Variants in ASH1L observed in about 807,000 individuals in gnomAD.
ASH1L encodes the protein ASH1 like histone lysine methyltransferase.
A neutral mutation model predicts 269.0 loss-of-function variants in ASH1L; 23 were observed. That is an observed-to-expected ratio of 0.09 (90% CI 0.06 to 0.12). ASH1L has a LOEUF of 0.12. Ranked by LOEUF, ASH1L falls within the 10% of genes least tolerant of loss-of-function variation. The pLI, the probability that ASH1L is intolerant of heterozygous loss-of-function variation, is 1.00. For synonymous variants in ASH1L, 1,187 were observed against 1,253.5 expected, an observed-to-expected ratio of 0.95 and a Z score of 1.12; for missense variants, 2,912 against 3,567.8, an observed-to-expected ratio of 0.82 and a Z score of 4.68.
At chr1:155,440,472 A>T (rs1480180478) in intron 4 of ASH1L, 1 of 588,472 alleles carries the variant, frequency 1.7e-6, no homozygotes, top group Non-Finnish European at 2.1e-6. Flanking sequence ...TCCTCAATAC[A>T]GAGTACTTGT....
chr1:155,349,837 C>T (rs1029817975), intron 17 of ASH1L, among the ~76,000 whole-genome samples: 2 of 150,206 alleles, frequency 1.3e-5, no homozygotes, highest in Admixed American at 6.7e-5. Context: ...CCTGCCTCAG[C>T]CTCCCGAGCA....
intron 7 of ASH1L, among the ~76,000 whole-genome samples, chr1:155,387,330 C>A (rs184524673): frequency 2.3e-4 from 35 of 152,280 alleles, no homozygotes; most frequent in Non-Finnish European, 5.0e-4. Flanking sequence ...GGAAGGGGTC[C>A]AGTTTCAACC....
intron 2 of ASH1L, among the ~76,000 whole-genome samples, chr1:155,490,654 ACTCT>A (rs1218582438): frequency 2.8e-4 from 41 of 148,354 alleles, no homozygotes; most frequent in South Asian, 1.3e-3. Flanking sequence ...ATACACACAC[ACTCT>A]CTCTCTCTCT....
intron 2 of ASH1L, among the ~76,000 whole-genome samples, chr1:155,484,820 T>C (rs919612928): frequency 2.0e-5 from 3 of 148,950 alleles, no homozygotes; most frequent in Non-Finnish European, 4.5e-5. Context: ...TCCCAGCTAC[T>C]TGGGAGGCTA....
chr1:155,357,184 C>A (rs1286650729), intron 15 of ASH1L, 132 bp downstream of exon 15: 10 of 297,104 alleles, frequency 3.4e-5, no homozygotes, highest in East Asian at 8.6e-5. Context: ...CATCCAGGTT[C>A]ATAGATCCCC....
At chr1:155,462,388 A>G (rs1248006035) in intron 3 of ASH1L, among the ~76,000 whole-genome samples, 2 of 152,156 alleles carry the variant, frequency 1.3e-5, no homozygotes, top group African/African-American at 4.8e-5. Flanking sequence ...AGTCTTGATG[A>G]AGGCTTCAAC....
chr1:155,409,609 T>G (rs1295919382), intron 6 of ASH1L, among the ~76,000 whole-genome samples: 1 of 152,120 alleles, frequency 6.6e-6, no homozygotes, highest in Non-Finnish European at 1.5e-5. Flanking sequence ...CCTGCCATGA[T>G]TTTTAAATTT....
rs912515385 is a variant in ASH1L at position 155,399,089 on chromosome 1, G to C, written c.6009-3536C>G. 2.6e-5 allele frequency among the ~76,000 whole-genome samples: 4 copies of C among 152,104 alleles called. No individual in the cohort carries two copies. The East Asian group carries it at 5.8e-4, about 22-fold the overall frequency. ...AATCCATTTTGAAATGTCTATCTTG[G>C]GTAGATATGAAATTGATGAACCAAA... On this transcript the variant is annotated intron_variant, in intron 6 of 27. Transcript: ENST00000392403.
intron 1 of ASH1L, among the ~76,000 whole-genome samples, chr1:155,528,759 G>A (rs1348750088): frequency 2.6e-5 from 4 of 151,998 alleles, no homozygotes; most frequent in East Asian, 1.9e-4. Flanking sequence ...GGTTTGTTAC[G>A]TGGGTAAACT....
At chr1:155,549,045 T>C (rs1232416317) in intron 1 of ASH1L, among the ~76,000 whole-genome samples, 1 of 152,218 alleles carries the variant, frequency 6.6e-6, no homozygotes, top group African/African-American at 2.4e-5. Context: ...TATGTCATTA[T>C]TCTCTAAGCA....
intron 5 of ASH1L, among the ~76,000 whole-genome samples, chr1:155,421,816 C>T (rs1037304876): frequency 6.6e-6 from 1 of 151,936 alleles, no homozygotes; most frequent in African/African-American, 2.4e-5. Context: ...ACACATATGA[C>T]TAATTTTTTT....
Position 155,438,438 on chromosome 1 carries a change from A to C in ASH1L, c.5717T>G (p.Leu1906Arg). Residue 1906 changes from leucine (L) to arginine (R), a missense_variant, in exon 5 of 28, where the codon CTG becomes CGG. Around this residue, in one of 13 missense-constraint regions of ASH1L, gnomAD observed 789 missense variants for 897.6 expected, o/e 0.88. Coordinates refer to ENST00000392403, the MANE Select transcript of ASH1L (RefSeq NM_018489.3). ...VIEAVVQSVNLNPEHKKGLKR... is the reference protein window; with the variant it reads ...VIEAVVQSVNRNPEHKKGLKR... ...CAACCCCTTTTTATGTTCTGGGTTC[A>C]GATTTACACTCTGAACAACAGCCTC... is the stretch of plus-strand genomic sequence containing the variant. 1.2e-6 allele frequency: 2 copies of C among 1,613,818 alleles called. No individual in the cohort carries two copies. Among genetic ancestry groups the C allele is most frequent in the Non-Finnish European group, 1.7e-6 (2 of 1,179,962 alleles).
chr1:155,391,367 T>A (rs1657914154), intron 7 of ASH1L, among the ~76,000 whole-genome samples: 1 of 152,218 alleles, frequency 6.6e-6, no homozygotes, highest in African/African-American at 2.4e-5. Flanking sequence ...GGACTTTCAT[T>A]TGCTATTGTT....
At chr1:155,362,282 C>T (rs938015550) in intron 12 of ASH1L, among the ~76,000 whole-genome samples, 4 of 151,966 alleles carry the variant, frequency 2.6e-5, no homozygotes, top group Non-Finnish European at 1.5e-5. Flanking sequence ...GATCCGCCCG[C>T]CTTGGCCTCC....
chr1:155,403,013 C>T (rs1235399722), intron 6 of ASH1L, among the ~76,000 whole-genome samples: 2 of 149,280 alleles, frequency 1.3e-5, no homozygotes, highest in Non-Finnish European at 3.0e-5. Flanking sequence ...CCCGTCTCTA[C>T]TAAAAAAAAA....
intron 8 of ASH1L, among the ~76,000 whole-genome samples, chr1:155,379,409 AATCTATTC>A (rs1441966144): frequency 6.6e-6 from 1 of 152,182 alleles, no homozygotes; most frequent in Non-Finnish European, 1.5e-5. Context: ...GAACTCAAGA[AATCTATTC>A]ACCTCAATTG....
chr1:155,337,939 T>C, intron 27 of ASH1L, 150 bp downstream of exon 27: 1 of 1,020,448 alleles, frequency 9.8e-7, no homozygotes, highest in Non-Finnish European at 1.4e-6. Context: ...CCAGTTTCAC[T>C]ACCAAGATAC....
At chr1:155,426,232 T>C (rs977981702) in intron 5 of ASH1L, among the ~76,000 whole-genome samples, 2 of 145,620 alleles carry the variant, frequency 1.4e-5, no homozygotes, top group African/African-American at 2.5e-5. Context: ...GCCCGGCTAA[T>C]TTTTTTTTTT....
intron 12 of ASH1L, among the ~76,000 whole-genome samples, chr1:155,361,476 C>T (rs1654932884): frequency 7.1e-6 from 1 of 140,926 alleles, no homozygotes; most frequent in South Asian, 2.2e-4. Context: ...AAGATTGCAC[C>T]ACTGCACTCC....
Sources: allele counts gnomAD v4.1 joint callset (sites outside exome capture counted in the v4.1 genomes callset), GRCh38; gene constraint gnomAD v4.1.1; regional missense constraint gnomAD v4.1.1; transcripts MANE v1.5; gene names NCBI Gene and HGNC (gene_info 2026-07-23, HGNC 2026-07-21).